Variants in SLC24A3 observed in about 807,000 individuals in gnomAD.
The protein encoded by SLC24A3 is sodium/potassium/calcium exchanger 3.
In SLC24A3, 28 loss-of-function variants were observed where a neutral mutation model predicts 75.8. The ratio of observed to expected loss-of-function variants is 0.37; its 90% CI spans 0.27 to 0.51. SLC24A3 has a LOEUF of 0.51. Ranked by LOEUF, SLC24A3 falls within the 20% of genes least tolerant of loss-of-function variation. SLC24A3 has a pLI of 0.94. For missense variants in SLC24A3, 663 were observed against 847.8 expected (o/e 0.78, Z 2.71); for synonymous variants, 372 against 334.1 (o/e 1.11, Z -1.24).
At chr20:19,571,794 G>T (rs1427225357) in intron 3 of SLC24A3, among the ~76,000 whole-genome samples, 2 of 152,144 alleles carry the variant, frequency 1.3e-5, no homozygotes, top group Non-Finnish European at 2.9e-5. Context: ...CCATAGGGTG[G>T]GACTCAGGAG....
intron 2 of SLC24A3, among the ~76,000 whole-genome samples, chr20:19,314,897 T>A (rs1311908265): frequency 6.6e-6 from 1 of 152,236 alleles, no homozygotes; most frequent in Non-Finnish European, 1.5e-5. Flanking sequence ...GATTTACACA[T>A]GGTGTCTGCA....
intron 16 of SLC24A3, among the ~76,000 whole-genome samples, chr20:19,718,827 C>T (rs921368109): frequency 8.5e-5 from 13 of 152,130 alleles, no homozygotes; most frequent in Non-Finnish European, 1.9e-4. Context: ...AGTCTGAGTT[C>T]ACGAGAAATG....
intron 2 of SLC24A3, among the ~76,000 whole-genome samples, chr20:19,377,750 G>A (rs6081581): frequency 6.6e-6 from 1 of 152,202 alleles, no homozygotes; most frequent in Non-Finnish European, 1.5e-5. Flanking sequence ...AAGGTGATAA[G>A]GATTAATCTG....
intron 1 of SLC24A3, among the ~76,000 whole-genome samples, chr20:19,219,054 A>G (rs904014250): frequency 1.1e-4 from 17 of 151,972 alleles, no homozygotes; most frequent in African/African-American, 3.6e-4. Flanking sequence ...ATTGTTTGCA[A>G]TGGTTTCACA....
chr20:19,579,965 T>G (rs951933333), intron 3 of SLC24A3, 35 bp from the exon 4 acceptor site: 2 of 1,546,498 alleles, frequency 1.3e-6, no homozygotes, highest in African/African-American at 2.7e-5. Flanking sequence ...TCTGCCTCAC[T>G]CTAACTTTAA....
intron 6 of SLC24A3, among the ~76,000 whole-genome samples, chr20:19,618,479 C>T (rs897662735): frequency 6.6e-6 from 1 of 152,112 alleles, no homozygotes; most frequent in Admixed American, 6.5e-5. Flanking sequence ...GGGATTAGGA[C>T]CCACCCCTAT....
chr20:19,648,866 T>C (rs548230985), intron 6 of SLC24A3, among the ~76,000 whole-genome samples: 1 of 152,266 alleles, frequency 6.6e-6, no homozygotes, highest in South Asian at 2.1e-4. Flanking sequence ...AAAAGAAATA[T>C]CAAGATGAAA....
At chr20:19,312,890 G>A (rs1467582797) in intron 2 of SLC24A3, among the ~76,000 whole-genome samples, 2 of 152,094 alleles carry the variant, frequency 1.3e-5, no homozygotes, top group Non-Finnish European at 2.9e-5. Context: ...GGTGATGCTG[G>A]CACAGCCTGG....
At chr20:19,244,176 A>C (rs925058861) in intron 1 of SLC24A3, 1 of 152,158 alleles carries the variant, frequency 6.6e-6, no homozygotes, top group Non-Finnish European at 1.5e-5. Flanking sequence ...TCAAGGGGTC[A>C]TCCTAATAGC....
intron 2 of SLC24A3, among the ~76,000 whole-genome samples, chr20:19,336,425 C>A (rs1985135829): frequency 6.6e-6 from 1 of 150,802 alleles, no homozygotes; most frequent in South Asian, 2.1e-4. Flanking sequence ...GAGACGGAGT[C>A]TCACTCTGTC....
At chr20:19,596,451 A>G (rs2031454606) in intron 6 of SLC24A3, among the ~76,000 whole-genome samples, 1 of 152,228 alleles carries the variant, frequency 6.6e-6, no homozygotes, top group Admixed American at 6.5e-5. Context: ...CGCCATGAGC[A>G]ATTAGGAGCT....
chr20:19,448,586 A>G (rs1987427390), intron 2 of SLC24A3, among the ~76,000 whole-genome samples: 1 of 152,156 alleles, frequency 6.6e-6, no homozygotes, highest in Non-Finnish European at 1.5e-5. Context: ...CCTAGTCAAC[A>G]TTGTATCCCA....
intron 2 of SLC24A3, among the ~76,000 whole-genome samples, chr20:19,454,839 T>C (rs1987551412): frequency 6.6e-6 from 1 of 152,186 alleles, no homozygotes; most frequent in African/African-American, 2.4e-5. Flanking sequence ...GGGTGAACTC[T>C]GTCTAAAGAG....
At chr20:19,297,020 T>C (rs1307149781) in intron 2 of SLC24A3, among the ~76,000 whole-genome samples, 2 of 152,188 alleles carry the variant, frequency 1.3e-5, no homozygotes, top group African/African-American at 4.8e-5. Context: ...TTATGAACAT[T>C]TGGAAACATA....
intron 8 of SLC24A3, among the ~76,000 whole-genome samples, chr20:19,667,476 C>G (rs991099165): frequency 6.6e-6 from 1 of 152,222 alleles, no homozygotes; most frequent in Non-Finnish European, 1.5e-5. Context: ...AGCACAACCA[C>G]TGCTCCGCCT....
intron 6 of SLC24A3, among the ~76,000 whole-genome samples, chr20:19,619,632 T>C (rs1236668318): frequency 6.6e-6 from 1 of 152,160 alleles, no homozygotes; most frequent in Non-Finnish European, 1.5e-5. Context: ...GACAAGGCAA[T>C]GTGGGTGCTT....
intron 2 of SLC24A3, among the ~76,000 whole-genome samples, chr20:19,334,964 G>A (rs951223217): frequency 2.0e-5 from 3 of 152,180 alleles, no homozygotes; most frequent in African/African-American, 7.2e-5. Context: ...ATATGCAGGA[G>A]ATAGGCACAG....
intron 2 of SLC24A3, among the ~76,000 whole-genome samples, chr20:19,463,384 T>A (rs912904868): frequency 6.6e-6 from 1 of 152,202 alleles, no homozygotes; most frequent in African/African-American, 2.4e-5. Context: ...CATTTCAGTC[T>A]TGGTGAAATA....
intron 3 of SLC24A3, among the ~76,000 whole-genome samples, chr20:19,559,261 T>A (rs989915831): frequency 2.6e-5 from 4 of 152,226 alleles, no homozygotes; most frequent in African/African-American, 9.6e-5. Flanking sequence ...CATTATCTTT[T>A]TGGGTGAAGT....
Sources: allele counts gnomAD v4.1 joint callset (sites outside exome capture counted in the v4.1 genomes callset), GRCh38; gene constraint gnomAD v4.1.1; transcripts MANE v1.5; gene names NCBI Gene and HGNC (gene_info 2026-07-23, HGNC 2026-07-21).